Variants in CLVS1 observed in about 807,000 individuals in gnomAD.
The protein encoded by CLVS1 is clavesin 1.
In CLVS1, 10 loss-of-function variants were observed where a neutral mutation model predicts 33.1. That is an observed-to-expected ratio of 0.30 (90% confidence interval 0.19 to 0.51). CLVS1 has a LOEUF of 0.51. Ranked by LOEUF, CLVS1 falls within the 20% of genes least tolerant of loss-of-function variation. CLVS1 has a pLI of 0.97. For synonymous variants in CLVS1, 163 were observed against 166.1 expected, an observed-to-expected ratio of 0.98 and a Z score of 0.14; for missense variants, 343 against 433.4, an observed-to-expected ratio of 0.79 and a Z score of 1.85.
intron 2 of CLVS1, among the ~76,000 whole-genome samples, chr8:61,158,812 C>T (rs1277536176): frequency 3.9e-5 from 6 of 152,102 alleles, no homozygotes; most frequent in Non-Finnish European, 1.5e-5. Context: ...AAATAATTCT[C>T]TTTTCTTTTT....
intron 2 of CLVS1, among the ~76,000 whole-genome samples, chr8:61,310,753 G>C (rs972911696): frequency 1.3e-4 from 20 of 152,156 alleles, no homozygotes. Flanking sequence ...GCCCAGCAAA[G>C]GACACTGGAT....
chr8:61,043,152 G>A, the CLVS1 span, among the ~76,000 whole-genome samples: 29,725 of 152,060 alleles, frequency 0.2, 3,949 homozygotes, highest in African/African-American at 0.38. Flanking sequence ...TCCCAGGTCC[G>A]CAGACCAACA....
At chr8:61,021,290 G>A in the CLVS1 span, among the ~76,000 whole-genome samples, 2 of 152,248 alleles carry the variant, frequency 1.3e-5, no homozygotes, top group African/African-American at 4.8e-5. Flanking sequence ...CTGGTCTCCT[G>A]GGCAGAGCTG....
In CLVS1 at chr8:61,500,035, G is replaced by GAATT. The variant is rs1804520774; in HGVS notation, c.*495_*498dup. ...ATCTCCAGTAATTTCCATTCTTACT[G>GAATT]AATTATTTCCTTTGACCTCATCACC... On this transcript the variant is annotated 3_prime_UTR_variant, in exon 6 of 6. Transcript: ENST00000325897. 1 of 153,244 alleles carries GAATT rather than the reference G, an allele frequency of 6.5e-6. No individual in the cohort carries two copies. The highest frequency in any genetic ancestry group is 2.4e-5 in the African/African-American group (1 of 41,426). The allele number at this position is 153,244 out of a possible 1,614,324, so 9.5% of individuals were successfully genotyped here. A position where few individuals can be genotyped will look rare whatever the true frequency, so the allele number is the denominator to read the frequency against.
intron 3 of CLVS1, among the ~76,000 whole-genome samples, chr8:61,437,899 A>G (rs1816395662): frequency 6.6e-6 from 1 of 152,240 alleles, no homozygotes; most frequent in Non-Finnish European, 1.5e-5. Context: ...AATTTAAATA[A>G]GCCAATAGTA....
At chr8:61,085,938 A>G (rs1805115506) in intron 1 of CLVS1, among the ~76,000 whole-genome samples, 2 of 144,724 alleles carry the variant, frequency 1.4e-5, no homozygotes, top group African/African-American at 5.1e-5. Flanking sequence ...CGGGAGGCTG[A>G]TGCAGCAGAA....
At chr8:61,337,722 A>T (rs1366779115) in intron 2 of CLVS1, among the ~76,000 whole-genome samples, 1 of 152,224 alleles carries the variant, frequency 6.6e-6, no homozygotes, top group Non-Finnish European at 1.5e-5. Flanking sequence ...TTTCAAAAGG[A>T]GGAAACTGAA....
At chr8:60,981,191 T>G in the CLVS1 span, among the ~76,000 whole-genome samples, 8 of 152,172 alleles carry the variant, frequency 5.3e-5, no homozygotes, top group African/African-American at 9.7e-5. Context: ...ACAAAAAACT[T>G]AGGTCCCTAC....
At chr8:61,369,569 T>C (rs1813350079) in intron 2 of CLVS1, among the ~76,000 whole-genome samples, 1 of 152,206 alleles carries the variant, frequency 6.6e-6, no homozygotes, top group Non-Finnish European at 1.5e-5. Context: ...ATCATCTTCA[T>C]GAAAACAGTG....
chr8:61,392,870 T>C (rs1043637627), intron 3 of CLVS1, among the ~76,000 whole-genome samples: 5 of 151,928 alleles, frequency 3.3e-5, no homozygotes, highest in Non-Finnish European at 5.9e-5. Flanking sequence ...TAAATCATTG[T>C]TTAATTCTTT....
At chr8:61,277,009 G>T (rs1260700030) in intron 2 of CLVS1, among the ~76,000 whole-genome samples, 2 of 152,276 alleles carry the variant, frequency 1.3e-5, no homozygotes, top group South Asian at 2.1e-4. Flanking sequence ...GAGAGCTGTT[G>T]CTCCTACTGG....
At chr8:61,149,557 AAAAAAAAAAAAC>A (rs1250823011) in intron 2 of CLVS1, among the ~76,000 whole-genome samples, 1 of 149,414 alleles carries the variant, frequency 6.7e-6, no homozygotes, top group Non-Finnish European at 1.5e-5. Context: ...GTCTCAAAAA[AAAAAAAAAAAAC>A]AAAAAACAAA....
At chr8:61,319,076 T>G (rs1327950836) in intron 2 of CLVS1, among the ~76,000 whole-genome samples, 1 of 152,246 alleles carries the variant, frequency 6.6e-6, no homozygotes, top group Non-Finnish European at 1.5e-5. Context: ...TTCCAGATTA[T>G]TCAATTAGCT....
Position 61,073,967 on chromosome 8 carries a change from G to A in CLVS1, c.-243+16737G>A, listed in dbSNP as rs188542619. ...GCGGAGCCTGCAGTGAGCCAAGATC[G>A]CGCCACTGCACTCCAGCCTGGGCAA... On this transcript the variant is annotated intron_variant, in intron 1 of 2. Transcript: ENST00000522621. 2.2e-4 allele frequency among the ~76,000 whole-genome samples: 31 copies of A among 141,432 alleles called. No individual in the cohort carries two copies. The East Asian group carries it at 6.2e-3, about 28-fold the overall frequency. The allele number at this position is 141,432 out of a possible 152,430, so 92.8% of individuals were successfully genotyped here.
intron 2 of CLVS1, among the ~76,000 whole-genome samples, chr8:61,352,374 G>A (rs984204304): frequency 1.3e-5 from 2 of 151,818 alleles, no homozygotes; most frequent in Non-Finnish European, 1.5e-5. Context: ...AGAAACAGAG[G>A]AATGATCATC....
At chr8:61,028,449 T>C in the CLVS1 span, among the ~76,000 whole-genome samples, 4,110 of 152,316 alleles carry the variant, frequency 0.027, 206 homozygotes, top group African/African-American at 0.093. Context: ...ATAATTACAA[T>C]GAATACCCAA....
chr8:61,159,078 G>A (rs1239308738), intron 2 of CLVS1, among the ~76,000 whole-genome samples: 7 of 152,092 alleles, frequency 4.6e-5, no homozygotes, highest in African/African-American at 1.7e-4. Flanking sequence ...TCACTTTATT[G>A]CCCAGGCTGG....
At chr8:61,250,719 G>A (rs1230458941) in intron 2 of CLVS1, among the ~76,000 whole-genome samples, 2 of 152,164 alleles carry the variant, frequency 1.3e-5, no homozygotes, top group Non-Finnish European at 2.9e-5. Flanking sequence ...CTCTCTGTTT[G>A]TCTGTTATTG....
At chr8:61,297,290 G>A (rs1029782572) in intron 1 of CLVS1, among the ~76,000 whole-genome samples, 7 of 152,178 alleles carry the variant, frequency 4.6e-5, no homozygotes, top group African/African-American at 1.4e-4. Context: ...TTGAAATGCA[G>A]AGAACGGACT....
Sources: allele counts gnomAD v4.1 joint callset (sites outside exome capture counted in the v4.1 genomes callset), GRCh38; gene constraint gnomAD v4.1.1; transcripts MANE v1.5; gene names NCBI Gene and HGNC (gene_info 2026-07-23, HGNC 2026-07-21).